Variants in XRRA1 observed in about 807,000 individuals in gnomAD.
The protein encoded by XRRA1 is X-ray radiation resistance-associated protein 1.
Under a neutral mutation model 80.2 loss-of-function variants are expected in XRRA1, and 69 were observed. That is an observed-to-expected ratio of 0.86 (90% CI 0.71 to 1.05). The LOEUF (loss-of-function observed/expected upper bound fraction) is 1.05. Ranked by LOEUF, XRRA1 falls within the 50% of genes least tolerant of loss-of-function variation. The pLI, the probability that XRRA1 is intolerant of heterozygous loss-of-function variation, is 0.00. For synonymous variants in XRRA1, 348 were observed against 389.9 expected, an observed-to-expected ratio of 0.89 and a Z score of 1.27; for missense variants, 967 against 976.4, an observed-to-expected ratio of 0.99 and a Z score of 0.13.
At chr11:74,930,428 A>G in intron 5 of XRRA1, 56 bp from the exon 6 acceptor site, 1 of 1,410,712 alleles carries the variant, frequency 7.1e-7, no homozygotes, top group South Asian at 1.3e-5. Context: ...TTCCCTGCCT[A>G]GAAGCCTTGC....
intron 8 of XRRA1, chr11:74,911,513 T>C (rs968781058): frequency 6.6e-6 from 1 of 152,202 alleles, no homozygotes; most frequent in Non-Finnish European, 1.5e-5. Context: ...TAACTAGGCT[T>C]TCCACTGAAA....
chr11:74,877,626 C>G, intron 10 of XRRA1, among the ~76,000 whole-genome samples: 1 of 122,202 alleles, frequency 8.2e-6, no homozygotes, highest in South Asian at 2.9e-4. Flanking sequence ...CCCCACCCCA[C>G]AACAGTCCCC....
At chr11:74,852,832 C>T (rs552643314) in intron 12 of XRRA1, among the ~76,000 whole-genome samples, 32 of 152,266 alleles carry the variant, frequency 2.1e-4, no homozygotes, top group African/African-American at 7.7e-4. Context: ...ACATCAGGAT[C>T]GAAGGGGTCA....
rs774123470 is a variant in XRRA1, at chr11:74,936,835, C to T, written c.279+49G>A. On this transcript the variant is annotated intron_variant, in intron 4 of 18. Coordinates refer to ENST00000684022, the MANE Select transcript of XRRA1 (RefSeq NM_001378157.1). ...CAGGGCAAATCCTTCCCCACTTCCT[C>T]CCCACCCTAGCTGATGTGCTGGCCA... 4.5e-6 allele frequency: 7 copies of T among 1,561,978 alleles called. No individual in the cohort carries two copies. In the South Asian group the frequency reaches 8.4e-5, roughly 19 times the overall value.
chr11:74,915,802 C>T (rs1419510159), intron 8 of XRRA1, among the ~76,000 whole-genome samples: 4 of 152,216 alleles, frequency 2.6e-5, no homozygotes, highest in Non-Finnish European at 1.5e-5. Context: ...AGCATCCTTT[C>T]ATTTCAACCT....
intron 8 of XRRA1, among the ~76,000 whole-genome samples, chr11:74,917,604 C>T (rs913668489): frequency 2.0e-5 from 3 of 152,184 alleles, no homozygotes; most frequent in African/African-American, 7.2e-5. Context: ...GGGACCCTAA[C>T]TTAACAGCAT....
chr11:74,844,075 A>C, intron 17 of XRRA1, 93 bp downstream of exon 17: 2 of 1,467,882 alleles, frequency 1.4e-6, no homozygotes, highest in South Asian at 2.4e-5. Context: ...CTGGGAAAGC[A>C]TGGCCCTCAG....
In XRRA1 at chr11:74,859,145, A is replaced by G. The variant is rs2041789027; in HGVS notation, c.1170+13T>C. On this transcript the variant is annotated intron_variant, in intron 12 of 18. Transcript: ENST00000684022. ...TGTGCCCCTGAGTAAACAGGAGAGG[A>G]GCAGAAAGTCACCTTGTTGTAGGCC... The G allele has an allele frequency of 1.3e-6, 2 of 1,588,394 alleles. No homozygotes were observed. The highest frequency in any genetic ancestry group is 4.6e-5 in the East Asian group (2 of 43,582).
At chr11:74,862,930 A>C in intron 11 of XRRA1, 51 bp downstream of exon 11, 1 of 1,427,794 alleles carries the variant, frequency 7.0e-7, no homozygotes, top group Non-Finnish European at 9.6e-7. Flanking sequence ...TTTGTCTATT[A>C]AAATTAATGT....
At chr11:74,867,661 C>T (rs982427903) in intron 10 of XRRA1, among the ~76,000 whole-genome samples, 6 of 152,200 alleles carry the variant, frequency 3.9e-5, no homozygotes, top group African/African-American at 1.4e-4. Context: ...TTCAGGTTAT[C>T]ATGCATGACA....
intron 10 of XRRA1, among the ~76,000 whole-genome samples, chr11:74,890,394 T>A (rs2050321995): frequency 6.6e-6 from 1 of 152,166 alleles, no homozygotes; most frequent in Non-Finnish European, 1.5e-5. Context: ...TGGGACACAT[T>A]CAAAGCAGTG....
chr11:74,842,067 T>C lies in XRRA1; in HGVS notation c.*1133A>G, dbSNP rs1478960993. 1 of 152,218 alleles carries C rather than the reference T, an allele frequency of 6.6e-6. No individual in the cohort carries two copies. Among genetic ancestry groups the C allele is most frequent in the Non-Finnish European group, 1.5e-5 (1 of 68,026 alleles). The allele number at this position is 152,218 out of a possible 1,614,324, so 9.4% of individuals were successfully genotyped here. ...CTCTCAACTCTTTGTACAAATATTATTGTCCTAAGGGCCTTTTCCCCTCCT... is the reference window on the plus strand; with the variant it reads ...CTCTCAACTCTTTGTACAAATATTACTGTCCTAAGGGCCTTTTCCCCTCCT... On this transcript the variant is annotated 3_prime_UTR_variant, in exon 19 of 19. Coordinates refer to ENST00000684022, the MANE Select transcript of XRRA1 (RefSeq NM_001378157.1).
At chr11:74,874,065 G>A (rs923065698) in intron 10 of XRRA1, among the ~76,000 whole-genome samples, 8 of 151,570 alleles carry the variant, frequency 5.3e-5, no homozygotes, top group Non-Finnish European at 8.8e-5. Context: ...GTGAAACCCC[G>A]TCTCTACTAA....
At chr11:74,875,068 A>C (rs1353405014) in intron 10 of XRRA1, among the ~76,000 whole-genome samples, 1 of 152,220 alleles carries the variant, frequency 6.6e-6, no homozygotes, top group Non-Finnish European at 1.5e-5. Context: ...CTTTATGCTC[A>C]TGCTGCCATT....
At chr11:74,914,751 C>T (rs1348723946) in intron 8 of XRRA1, among the ~76,000 whole-genome samples, 1 of 147,814 alleles carries the variant, frequency 6.8e-6, no homozygotes, top group East Asian at 2.0e-4. Context: ...CTTACTAGTG[C>T]ATGTTGGTAG....
intron 10 of XRRA1, among the ~76,000 whole-genome samples, chr11:74,888,175 T>A (rs953758089): frequency 1.3e-5 from 2 of 151,954 alleles, no homozygotes; most frequent in Non-Finnish European, 2.9e-5. Context: ...CACCCCCCAG[T>A]AGGGGCAGAC....
At chr11:74,934,812 G>A (rs189425893) in intron 4 of XRRA1, among the ~76,000 whole-genome samples, 2 of 152,160 alleles carry the variant, frequency 1.3e-5, no homozygotes, top group East Asian at 3.9e-4. Context: ...TTTTTAGCAG[G>A]GGGCTGATAG....
At chr11:74,872,770 G>A (rs1400353583) in intron 10 of XRRA1, among the ~76,000 whole-genome samples, 1 of 152,122 alleles carries the variant, frequency 6.6e-6, no homozygotes, top group Non-Finnish European at 1.5e-5. Context: ...TACTGCACAG[G>A]AGCCCCAGGT....
intron 7 of XRRA1, among the ~76,000 whole-genome samples, chr11:74,924,841 T>A (rs571748933): frequency 1.3e-4 from 20 of 152,148 alleles, no homozygotes; most frequent in East Asian, 7.7e-4. Flanking sequence ...AAAAATAAAT[T>A]AATTAATTAA....
Sources: gnomAD v4.1 joint callset for allele counts (sites outside exome capture counted in the v4.1 genomes callset) on GRCh38, gnomAD v4.1.1 for gene constraint, MANE v1.5 for transcripts, NCBI Gene and HGNC (gene_info 2026-07-23, HGNC 2026-07-21) for gene names.